Variants in SUPT3H observed in about 807,000 individuals in gnomAD.
The protein encoded by SUPT3H is transcription initiation protein SPT3 homolog.
A neutral mutation model predicts 44.3 loss-of-function variants in SUPT3H; 44 were observed. The observed-to-expected ratio is 0.99, with a 90% CI of 0.78 to 1.28. The LOEUF (loss-of-function observed/expected upper bound fraction) is 1.28, where lower values mean the gene tolerates loss of function less well. Ranked by LOEUF, SUPT3H falls within the 50% of genes most tolerant of loss-of-function variation. The pLI is 0.00. For missense variants in SUPT3H, 380 were observed against 387.1 expected (o/e 0.98, Z 0.15); for synonymous variants, 124 against 125.6 (o/e 0.99, Z 0.09).
intron 2 of SUPT3H, among the ~76,000 whole-genome samples, chr6:45,136,862 G>A (rs764180530): frequency 1.3e-5 from 2 of 152,006 alleles, no homozygotes; most frequent in African/African-American, 2.4e-5. Context: ...GAAAAAAAGA[G>A]GACAAAAATA....
At chr6:45,265,450 G>A (rs932467673) in intron 2 of SUPT3H, among the ~76,000 whole-genome samples, 7 of 152,026 alleles carry the variant, frequency 4.6e-5, no homozygotes, top group East Asian at 1.9e-4. Context: ...AGTCTAGTCC[G>A]GCTAGGTCTT....
At chr6:44,992,671 A>G (rs527473863) in intron 6 of SUPT3H, among the ~76,000 whole-genome samples, 117 of 152,238 alleles carry the variant, frequency 7.7e-4, no homozygotes, top group Non-Finnish European at 1.3e-3. Flanking sequence ...AGAAAGGAAT[A>G]GGGGGAAGAA....
intron 10 of SUPT3H, among the ~76,000 whole-genome samples, chr6:44,865,401 T>C (rs1775341519): frequency 6.6e-6 from 1 of 151,208 alleles, no homozygotes; most frequent in African/African-American, 2.4e-5. Context: ...CTGGTACCCA[T>C]TTACTGTATT....
At chr6:44,916,112 T>C (rs2153454798) in intron 10 of SUPT3H, among the ~76,000 whole-genome samples, 1 of 152,340 alleles carries the variant, frequency 6.6e-6, no homozygotes, top group Non-Finnish European at 1.5e-5. Context: ...TACAAAGACA[T>C]ATTTTAAGAG....
chr6:44,908,154 C>CTTTTTT (rs70993481), intron 10 of SUPT3H, among the ~76,000 whole-genome samples: 1 of 136,960 alleles, frequency 7.3e-6, no homozygotes, highest in Non-Finnish European at 1.6e-5. Flanking sequence ...TTTTTCTTTT[C>CTTTTTT]TTTTTTTTTT....
At chr6:44,989,586 T>G (rs1027572994) in intron 6 of SUPT3H, among the ~76,000 whole-genome samples, 1 of 152,124 alleles carries the variant, frequency 6.6e-6, no homozygotes, top group Non-Finnish European at 1.5e-5. Context: ...CCATGCTGTT[T>G]TCCGTAATGA....
Position 45,089,149 on chromosome 6 carries a change from A to G in SUPT3H, c.186+16773T>C, listed in dbSNP as rs776472423. On this transcript the variant is annotated intron_variant, in intron 3 of 10. Coordinates refer to ENST00000371459, the MANE Select transcript of SUPT3H (RefSeq NM_003599.4). Reference sequence around the variant, plus strand: ...GCAAAATGCTTGCCAAGAGTAGCCTATAACATTTTCCTTTAGTCCACCTTA... The same window carrying G: ...GCAAAATGCTTGCCAAGAGTAGCCTGTAACATTTTCCTTTAGTCCACCTTA... Among the ~76,000 whole-genome samples the G allele has an allele frequency of 4.9e-4, 74 of 152,172 alleles. 1 individual carries two copies. The highest frequency in any genetic ancestry group is 9.0e-4 in the Non-Finnish European group (61 of 67,928).
Position 45,154,087 on chromosome 6 carries a change from A to ACAAAAAAAAAAC in SUPT3H, c.102-48082_102-48081insGTTTTTTTTTTG, listed in dbSNP as rs200995743. Among the ~76,000 whole-genome samples the ACAAAAAAAAAAC allele has an allele frequency of 2.2e-4, 25 of 114,620 alleles. 4 individuals carry two copies. In the East Asian group the frequency reaches 2.3e-3, roughly 11 times the overall value. 75.2% of individuals were successfully genotyped at this position (114,620 alleles called of 152,430 possible). Reference sequence around the variant, plus strand: ...TCTGTCTCAAGAAAAAAAAAAAAAAAAGCGCTTAGTCCTCCTATGTTAGAA... The same window carrying ACAAAAAAAAAAC: ...TCTGTCTCAAGAAAAAAAAAAAAAAACAAAAAAAAAACAGCGCTTAGTCCTCCTATGTTAGAA... On this transcript the variant is annotated intron_variant, in intron 2 of 10. Coordinates refer to ENST00000371459, the MANE Select transcript of SUPT3H (RefSeq NM_003599.4).
At chr6:45,136,953 A>C (rs901696427) in intron 2 of SUPT3H, among the ~76,000 whole-genome samples, 1 of 152,164 alleles carries the variant, frequency 6.6e-6, no homozygotes, top group Non-Finnish European at 1.5e-5. Flanking sequence ...ACTCCAGATA[A>C]GATAAATTCA....
intron 2 of SUPT3H, among the ~76,000 whole-genome samples, chr6:45,255,244 T>C (rs996784146): frequency 1.3e-5 from 2 of 152,116 alleles, no homozygotes; most frequent in Admixed American, 1.3e-4. Flanking sequence ...TTGGAATATA[T>C]TCCCCGGATA....
rs66480751 is a variant in SUPT3H at position 45,230,662 on chromosome 6, C to CTATATATA, written c.102-124664_102-124657dup. 7.1e-4 allele frequency among the ~76,000 whole-genome samples: 49 copies of CTATATATA among 68,736 alleles called. 2 individuals carry two copies. Among genetic ancestry groups the CTATATATA allele is most frequent in the African/African-American group, 2.6e-3 (49 of 19,204 alleles). The allele number at this position is 68,736 out of a possible 152,430, so 45.1% of individuals were successfully genotyped here. ...AAATCATGTTTTAAATTCATTCAGTCTATATATATATATATATATATATAT... is the reference window on the plus strand; with the variant it reads ...AAATCATGTTTTAAATTCATTCAGTCTATATATATATATATATATATATATATATATAT... On this transcript the variant is annotated intron_variant, in intron 2 of 10. Coordinates refer to ENST00000371459, the MANE Select transcript of SUPT3H (RefSeq NM_003599.4).
chr6:45,120,627 A>T (rs551273033), intron 2 of SUPT3H, among the ~76,000 whole-genome samples: 2 of 152,042 alleles, frequency 1.3e-5, no homozygotes, highest in Non-Finnish European at 2.9e-5. Context: ...ACAACAAATG[A>T]TGTCTATATC....
chr6:45,342,464 T>C (rs556192896), intron 2 of SUPT3H, among the ~76,000 whole-genome samples: 6 of 152,266 alleles, frequency 3.9e-5, no homozygotes, highest in African/African-American at 1.4e-4. Context: ...TTTCAACATG[T>C]TGGCCAGGAT....
chr6:45,069,792 T>C (rs1359118196), intron 3 of SUPT3H, among the ~76,000 whole-genome samples: 1 of 152,138 alleles, frequency 6.6e-6, no homozygotes, highest in Non-Finnish European at 1.5e-5. Context: ...ATTGGTTTTA[T>C]TTTTTCAAAA....
At chr6:45,117,959 G>A (rs1801077261) in intron 2 of SUPT3H, among the ~76,000 whole-genome samples, 1 of 151,992 alleles carries the variant, frequency 6.6e-6, no homozygotes. Flanking sequence ...AGTATGCCCA[G>A]AAGAAATGTG....
chr6:44,961,258 C>T (rs1476288967), intron 7 of SUPT3H, among the ~76,000 whole-genome samples: 7 of 152,128 alleles, frequency 4.6e-5, no homozygotes. Flanking sequence ...TTGGCTAACA[C>T]TGAATACATG....
chr6:45,367,409 T>A (rs1274312148), intron 1 of SUPT3H, among the ~76,000 whole-genome samples: 1 of 151,804 alleles, frequency 6.6e-6, no homozygotes, highest in African/African-American at 2.4e-5. Context: ...TAAGTACTTT[T>A]CTCTACAAAT....
At chr6:44,978,268 T>C (rs1778615984) in intron 6 of SUPT3H, among the ~76,000 whole-genome samples, 1 of 152,198 alleles carries the variant, frequency 6.6e-6, no homozygotes, top group South Asian at 2.1e-4. Flanking sequence ...CCAGGTATAT[T>C]ACATATGTTA....
chr6:45,202,330 A>G (rs147386971), intron 2 of SUPT3H, among the ~76,000 whole-genome samples: 176 of 152,082 alleles, frequency 1.2e-3, no homozygotes, highest in African/African-American at 4.0e-3. Flanking sequence ...AAACGGTTTA[A>G]AAAAAATTTC....
Sources: gnomAD v4.1 joint callset for allele counts (sites outside exome capture counted in the v4.1 genomes callset) on GRCh38, gnomAD v4.1.1 for gene constraint, MANE v1.5 for transcripts, NCBI Gene and HGNC (gene_info 2026-07-23, HGNC 2026-07-21) for gene names.